Variants in PDE10A observed in about 807,000 individuals in gnomAD.
The protein encoded by PDE10A is phosphodiesterase 10A.
PDE10A carries 39 observed loss-of-function variants against 97.7 expected under a neutral mutation model. The observed-to-expected ratio is 0.40, with a 90% CI of 0.31 to 0.52. The LOEUF (loss-of-function observed/expected upper bound fraction) is 0.52. Among genes scored for constraint, PDE10A ranks in the 20% least tolerant of loss-of-function variants. PDE10A has a pLI of 0.56. For missense variants in PDE10A, 731 were observed against 1,047.8 expected (o/e 0.70, Z 4.17); for synonymous variants, 371 against 376.8 (o/e 0.98, Z 0.18).
chr6:165,774,999 G>A (rs988576138), intron 1 of PDE10A: 1 of 152,044 alleles, frequency 6.6e-6, no homozygotes, highest in African/African-American at 2.4e-5. Flanking sequence ...CTAGATCATT[G>A]TTTGGAAGAG....
At chr6:165,821,001 ATCTT>A (rs1779552702) in intron 1 of PDE10A, among the ~76,000 whole-genome samples, 1 of 152,246 alleles carries the variant, frequency 6.6e-6, no homozygotes, top group Admixed American at 6.5e-5. Context: ...ACATCTCCCT[ATCTT>A]TCTCTCTTCC....
chr6:165,822,785 T>A (rs1779610788), intron 1 of PDE10A, among the ~76,000 whole-genome samples: 1 of 152,174 alleles, frequency 6.6e-6, no homozygotes, highest in South Asian at 2.1e-4. Flanking sequence ...CTTGAAATAT[T>A]TCTTTCTTCA....
At chr6:165,806,729 A>G (rs1779153514) in intron 1 of PDE10A, among the ~76,000 whole-genome samples, 1 of 152,094 alleles carries the variant, frequency 6.6e-6, no homozygotes. Context: ...TAATCTCTCA[A>G]GGGAACCAGG....
chr6:165,966,361 C>A (rs970349641), intron 1 of PDE10A, among the ~76,000 whole-genome samples: 4 of 152,194 alleles, frequency 2.6e-5, no homozygotes, highest in Non-Finnish European at 4.4e-5. Flanking sequence ...ATTCACGTGA[C>A]CCCCTGCTCA....
intron 1 of PDE10A, among the ~76,000 whole-genome samples, chr6:165,826,171 T>C (rs1779737822): frequency 6.6e-6 from 1 of 152,142 alleles, no homozygotes; most frequent in South Asian, 2.1e-4. Context: ...TGACACAATG[T>C]CCTTGCCTTT....
At chr6:165,465,401 G>C (rs1166745913) in intron 3 of PDE10A, among the ~76,000 whole-genome samples, 1 of 152,144 alleles carries the variant, frequency 6.6e-6, no homozygotes, top group African/African-American at 2.4e-5. Flanking sequence ...CTAGCACTAT[G>C]GGGAAAAGAG....
intron 13 of PDE10A, among the ~76,000 whole-genome samples, chr6:165,410,916 G>A (rs1378208767): frequency 2.2e-5 from 2 of 89,878 alleles, no homozygotes; most frequent in Non-Finnish European, 4.3e-5. Context: ...GTGAAACCCC[G>A]TCTCTACTAA....
At chr6:165,416,723 C>G (rs948513139) in intron 11 of PDE10A, among the ~76,000 whole-genome samples, 1 of 152,172 alleles carries the variant, frequency 6.6e-6, no homozygotes, top group Admixed American at 6.5e-5. Flanking sequence ...TCTCTACCAT[C>G]GTGCTTTCTA....
intron 1 of PDE10A, among the ~76,000 whole-genome samples, chr6:165,902,006 C>T (rs1462946410): frequency 6.6e-6 from 1 of 152,186 alleles, no homozygotes; most frequent in Non-Finnish European, 1.5e-5. Context: ...CCATTATTAA[C>T]TACTGATCAC....
intron 1 of PDE10A, among the ~76,000 whole-genome samples, chr6:165,600,767 G>A (rs6934837): frequency 0.47 from 71,960 of 152,068 alleles, 19,285 homozygotes; most frequent in Non-Finnish European, 0.6. Context: ...AGGACACAAA[G>A]TAATTGCCCT....
At chr6:165,493,955 G>A (rs1780372276) in intron 2 of PDE10A, among the ~76,000 whole-genome samples, 1 of 150,712 alleles carries the variant, frequency 6.6e-6, no homozygotes, top group Non-Finnish European at 1.5e-5. Flanking sequence ...AATCTACAGG[G>A]AACTCAAATA....
At chr6:165,604,518 T>TAAAAAAAAAA (rs34272357) in intron 1 of PDE10A, among the ~76,000 whole-genome samples, 69 of 137,774 alleles carry the variant, frequency 5.0e-4, no homozygotes, top group African/African-American at 1.7e-3. Flanking sequence ...CTCTCTTTGT[T>TAAAAAAAAAA]AAAAAAAAAA....
chr6:165,470,028 T>G lies in PDE10A; in HGVS notation c.1023+12287A>C, dbSNP rs376432392. 3.1e-4 allele frequency among the ~76,000 whole-genome samples: 47 copies of G among 152,278 alleles called. No homozygotes were observed. The South Asian group carries it at 9.5e-3, about 31-fold the overall frequency. The stretch of plus-strand genomic sequence containing the variant: ...TTTTCAGCTGCAGTGAGTGAGGGCA[T>G]TGGTGTTTAGTCCATGTTTGCTGCT... On this transcript the variant is annotated intron_variant, in intron 3 of 21. Coordinates refer to ENST00000539869, the MANE Select transcript of PDE10A (RefSeq NM_001385079.1).
At chr6:165,907,615 T>A (rs1782330834) in intron 1 of PDE10A, among the ~76,000 whole-genome samples, 1 of 152,130 alleles carries the variant, frequency 6.6e-6, no homozygotes, top group Admixed American at 6.5e-5. Context: ...GTGTCAGGGG[T>A]TCGTGTGCTG....
At chr6:165,831,592 C>T (rs1014453355) in intron 1 of PDE10A, among the ~76,000 whole-genome samples, 7 of 150,694 alleles carry the variant, frequency 4.6e-5, no homozygotes, top group Non-Finnish European at 8.9e-5. Context: ...ATTCTCCTGC[C>T]TCAGCCTCCT....
intron 1 of PDE10A, among the ~76,000 whole-genome samples, chr6:165,773,839 G>C (rs773933550): frequency 1.3e-5 from 2 of 152,090 alleles, no homozygotes; most frequent in Non-Finnish European, 2.9e-5. Flanking sequence ...CAAAACCTTA[G>C]GGTGTCATTT....
chr6:165,765,851 T>G (rs569819008), intron 1 of PDE10A, among the ~76,000 whole-genome samples: 1 of 152,190 alleles, frequency 6.6e-6, no homozygotes, highest in South Asian at 2.1e-4. Context: ...CACCTCTCAT[T>G]GGGAAGATCT....
chr6:165,739,812 T>C (rs997400351), intron 1 of PDE10A, among the ~76,000 whole-genome samples: 3 of 152,106 alleles, frequency 2.0e-5, no homozygotes, highest in African/African-American at 7.2e-5. Context: ...GCAAAGAATC[T>C]GAATAGACAT....
At chr6:165,981,073 A>G (rs1326169260) in intron 1 of PDE10A, among the ~76,000 whole-genome samples, 1 of 152,164 alleles carries the variant, frequency 6.6e-6, no homozygotes, top group East Asian at 1.9e-4. Flanking sequence ...GTGGAGGGTC[A>G]GGTGCATGTT....
Sources: gnomAD v4.1 joint callset for allele counts (sites outside exome capture counted in the v4.1 genomes callset) on GRCh38, gnomAD v4.1.1 for gene constraint, MANE v1.5 for transcripts, NCBI Gene and HGNC (gene_info 2026-07-23, HGNC 2026-07-21) for gene names.